DYNLT2: variants seen among roughly 807,000 people sequenced by gnomAD.
The protein encoded by DYNLT2 is dynein light chain Tctex-type 2.
A neutral mutation model predicts 24.3 loss-of-function variants in DYNLT2; 24 were observed. That is an observed-to-expected ratio of 0.99 (90% CI 0.71 to 1.39). The LOEUF is 1.39. Ranked by LOEUF, DYNLT2 falls within the 40% of genes most tolerant of loss-of-function variation. The pLI is 0.00. For synonymous variants in DYNLT2, 85 were observed against 85.4 expected, an observed-to-expected ratio of 1.00 and a Z score of 0.03; for missense variants, 246 against 234.5, an observed-to-expected ratio of 1.05 and a Z score of -0.32.
At position 169,740,179 on chromosome 6, in the gene DYNLT2, A is replaced by G. The variant is rs1323744761; in HGVS notation, c.*6T>C. 6.3e-7 allele frequency: 1 copy of G among 1,582,580 alleles called. No homozygotes were observed. The highest frequency in any genetic ancestry group is 8.7e-7 in the Non-Finnish European group (1 of 1,151,842). ...GAAGTAAACAATCCTTAGTACCTGT[A>G]ATGAGCTATTCATAATAAAGGGCAA... On this transcript the variant is annotated 3_prime_UTR_variant, in exon 4 of 4. Coordinates refer to ENST00000366774, the MANE Select transcript of DYNLT2 (RefSeq NM_174910.3).
At chr6:169,748,082 G>A (rs182271709) in intron 1 of DYNLT2, among the ~76,000 whole-genome samples, 1 of 152,254 alleles carries the variant, frequency 6.6e-6, no homozygotes, top group East Asian at 1.9e-4. Flanking sequence ...TTTTCTGGTG[G>A]GAACATGTCC....
chr6:169,737,363 A>G (rs1160687592), downstream of DYNLT2, among the ~76,000 whole-genome samples: 3 of 152,124 alleles, frequency 2.0e-5, no homozygotes. Flanking sequence ...CCCTTGATGG[A>G]GAGACACTGT....
At chr6:169,726,899 G>A in the DYNLT2 span, among the ~76,000 whole-genome samples, 68 of 152,246 alleles carry the variant, frequency 4.5e-4, no homozygotes, top group African/African-American at 1.4e-3. Flanking sequence ...GCATGAAACC[G>A]TATGAGACCA....
At chr6:169,725,486 C>T in the DYNLT2 span, 2 of 396,904 alleles carry the variant, frequency 5.0e-6, no homozygotes, top group Admixed American at 4.4e-5. Flanking sequence ...CAGCTTGGTT[C>T]TCTCAGCCTC....
chr6:169,747,723 A>C (rs1195326210), intron 1 of DYNLT2, among the ~76,000 whole-genome samples: 2 of 149,898 alleles, frequency 1.3e-5, no homozygotes, highest in Admixed American at 1.3e-4. Context: ...TCTCTTAACT[A>C]CTTTAATGTC....
In DYNLT2 at chr6:169,744,085, C is replaced by T. The variant is rs750779623; in HGVS notation, c.310G>A (p.Val104Ile). The T allele has an allele frequency of 2.4e-5, 38 of 1,612,186 alleles. No homozygotes were observed. The highest frequency in any genetic ancestry group is 3.1e-5 in the Non-Finnish European group (36 of 1,179,942). Residue 104 changes from valine (V) to isoleucine (I), a missense_variant, in exon 2 of 4, where the codon GTC becomes ATC. Val to Ile is a conservative substitution (Grantham distance 29). Coordinates refer to ENST00000366774, the MANE Select transcript of DYNLT2 (RefSeq NM_174910.3). ...CAACCTACTGTTAGTATCTGCTGGA[C>T]TTTAGTTTCTACTGAATGAGCTTGG... is the stretch of plus-strand genomic sequence containing the variant. Reference protein sequence around the residue: ...KFQAHSVETKVQQILTESLKD... With the variant: ...KFQAHSVETKIQQILTESLKD...
At chr6:169,739,983 A>C (rs1789640433), downstream of DYNLT2, 2 of 512,180 alleles carry the variant, frequency 3.9e-6, 1 homozygote, top group East Asian at 6.1e-5. Flanking sequence ...CTACTTTGGC[A>C]TAATATTATG....
At position 169,751,472 on chromosome 6, in the gene DYNLT2, C is replaced by T; in HGVS notation, c.-14G>A. The stretch of plus-strand genomic sequence containing the variant: ...TCGCTTCTCCATCTCGCTCTGTTCT[C>T]CAAGACGCCCACCGCCTCCCCTTCA... On this transcript the variant is annotated 5_prime_UTR_variant, in exon 1 of 4. Coordinates refer to ENST00000366774, the MANE Select transcript of DYNLT2 (RefSeq NM_174910.3). 6.2e-7 allele frequency: 1 copy of T among 1,612,920 alleles called. No homozygotes were observed. Among genetic ancestry groups the T allele is most frequent in the Non-Finnish European group, 8.5e-7 (1 of 1,179,482 alleles).
chr6:169,726,148 A>G, the DYNLT2 span, among the ~76,000 whole-genome samples: 1 of 152,396 alleles, frequency 6.6e-6, no homozygotes, highest in African/African-American at 2.4e-5. Context: ...TCTGGAGTCA[A>G]CAAATAACTG....
rs544643980 is a variant in DYNLT2 at position 169,749,168 on chromosome 6, C to A, written c.120+2171G>T. On this transcript the variant is annotated intron_variant, in intron 1 of 3. Transcript: ENST00000366774. ...AGGCTGGAGTGCAGTGGCATGATCT[C>A]GGCTCACTGCAACTTCCTCCTCCCG... Among the ~76,000 whole-genome samples, 215 of 152,200 alleles carry A rather than the reference C, an allele frequency of 1.4e-3. 1 individual carries two copies. Among genetic ancestry groups the A allele is most frequent in the African/African-American group, 5.0e-3 (209 of 41,532 alleles).
chr6:169,743,580 A>G (rs1009534671), intron 2 of DYNLT2, among the ~76,000 whole-genome samples: 8 of 152,214 alleles, frequency 5.3e-5, no homozygotes, highest in Admixed American at 6.5e-5. Flanking sequence ...AAAGGAAAGA[A>G]ACCTTTTTAA....
chr6:169,751,289 T>TAA, intron 1 of DYNLT2, 50 bp downstream of exon 1: 1 of 1,578,524 alleles, frequency 6.3e-7, no homozygotes, highest in South Asian at 1.1e-5. Flanking sequence ...CGATTTCACT[T>TAA]AAACGGTCGG....
intron 1 of DYNLT2, among the ~76,000 whole-genome samples, chr6:169,747,762 T>C (rs1789842411): frequency 6.6e-6 from 1 of 152,226 alleles, no homozygotes. Flanking sequence ...TTTTGTGTAA[T>C]TTCTGGGCTG....
downstream of DYNLT2, among the ~76,000 whole-genome samples, chr6:169,739,566 C>T (rs1203431432): frequency 3.3e-5 from 5 of 152,048 alleles, no homozygotes; most frequent in African/African-American, 7.2e-5. Flanking sequence ...TTTCTTTAAA[C>T]AATTAATATG....
At chr6:169,738,335 G>A (rs1049919212), downstream of DYNLT2, among the ~76,000 whole-genome samples, 7 of 152,246 alleles carry the variant, frequency 4.6e-5, no homozygotes, top group Non-Finnish European at 8.8e-5. Context: ...TTCCTCATGG[G>A]AATTGGGTAA....
At chr6:169,750,377 A>C (rs978506018) in intron 1 of DYNLT2, 6 of 152,300 alleles carry the variant, frequency 3.9e-5, no homozygotes, top group Middle Eastern at 3.4e-3. Flanking sequence ...AGCTGTGTAA[A>C]CTTGGCCTGT....
chr6:169,748,298 C>T (rs2184194), intron 1 of DYNLT2, among the ~76,000 whole-genome samples: 27,314 of 151,920 alleles, frequency 0.18, 2,995 homozygotes, highest in African/African-American at 0.3. Context: ...AGGCTCCTAA[C>T]TCCTTTTGAA....
At chr6:169,740,321 A>G (rs1417724314) in intron 3 of DYNLT2, 26 bp from the exon 4 acceptor site, 1 of 1,381,774 alleles carries the variant, frequency 7.2e-7, no homozygotes, top group African/African-American at 1.4e-5. Context: ...TGTAAAGACC[A>G]ACTTTAGATT....
rs537080156 is a variant in DYNLT2 at position 169,748,175 on chromosome 6, G to A, written c.120+3164C>T. ...TTGGTGAGAAGCTTCCTCACCAGATGCACTGCTGCACTCAGCTGAATATTC... is the reference window on the plus strand; with the variant it reads ...TTGGTGAGAAGCTTCCTCACCAGATACACTGCTGCACTCAGCTGAATATTC... On this transcript the variant is annotated intron_variant, in intron 1 of 3. Transcript: ENST00000366774. Among the ~76,000 whole-genome samples the A allele has an allele frequency of 3.4e-4, 52 of 152,228 alleles. 1 individual carries two copies. The South Asian group carries it at 9.5e-3, about 28-fold the overall frequency.
Sources: gnomAD v4.1 joint callset for allele counts (sites outside exome capture counted in the v4.1 genomes callset) on GRCh38, gnomAD v4.1.1 for gene constraint, MANE v1.5 for transcripts, NCBI Gene and HGNC (gene_info 2026-07-23, HGNC 2026-07-21) for gene names.